The following FNBP1L variants were observed in gnomAD, a reference collection of about 807,000 sequenced individuals.
FNBP1L encodes the protein formin-binding protein 1-like.
In FNBP1L, 36 loss-of-function variants were observed where a neutral mutation model predicts 91.2. The ratio of observed to expected loss-of-function variants is 0.39; its 90% CI spans 0.30 to 0.52. FNBP1L has a LOEUF of 0.52. Among genes scored for constraint, FNBP1L ranks in the 20% least tolerant of loss-of-function variants. FNBP1L has a pLI of 0.66. For missense variants in FNBP1L, 571 were observed against 732.1 expected, an observed-to-expected ratio of 0.78 and a Z score of 2.54; for synonymous variants, 242 against 237.0, an observed-to-expected ratio of 1.02 and a Z score of -0.19.
At chr1:93,552,346 C>G in intron 16 of FNBP1L, 63 bp from the exon 17 acceptor site, 12 of 1,585,036 alleles carry the variant, frequency 7.6e-6, no homozygotes, top group Non-Finnish European at 1.0e-5. Context: ...AAACTGAACA[C>G]CCCTTTTGGT....
At chr1:93,456,039 A>G (rs1668647136) in intron 1 of FNBP1L, among the ~76,000 whole-genome samples, 1 of 152,250 alleles carries the variant, frequency 6.6e-6, no homozygotes, top group Admixed American at 6.5e-5. Flanking sequence ...AGGTTGAGGC[A>G]GGAAGATCGC....
intron 1 of FNBP1L, among the ~76,000 whole-genome samples, chr1:93,482,171 T>A (rs1669729927): frequency 6.6e-6 from 1 of 151,866 alleles, no homozygotes; most frequent in South Asian, 2.1e-4. Context: ...CAAAAATAAA[T>A]AAATAAGTAA....
chr1:93,473,598 A>T (rs1177432758), intron 1 of FNBP1L, among the ~76,000 whole-genome samples: 9 of 152,218 alleles, frequency 5.9e-5, no homozygotes, highest in African/African-American at 1.9e-4. Flanking sequence ...TTCTGGGTAT[A>T]CATCCCCAAC....
intron 2 of FNBP1L, among the ~76,000 whole-genome samples, chr1:93,515,228 C>G (rs1475465223): frequency 3.3e-5 from 5 of 152,214 alleles, no homozygotes; most frequent in South Asian, 2.1e-4. Context: ...CCATCTCACA[C>G]CAGTTAGAAT....
At chr1:93,495,787 A>G (rs771762026) in intron 1 of FNBP1L, among the ~76,000 whole-genome samples, 16 of 152,212 alleles carry the variant, frequency 1.1e-4, no homozygotes, top group Non-Finnish European at 1.5e-4. Flanking sequence ...CTATATAGAA[A>G]GCATTTTGAT....
intron 1 of FNBP1L, among the ~76,000 whole-genome samples, chr1:93,469,447 A>G (rs1669207406): frequency 6.6e-6 from 1 of 152,104 alleles, no homozygotes; most frequent in Non-Finnish European, 1.5e-5. Context: ...AGTATATTCC[A>G]TGGTGTATAT....
intron 2 of FNBP1L, among the ~76,000 whole-genome samples, chr1:93,516,259 G>A (rs1671107356): frequency 6.6e-6 from 1 of 152,128 alleles, no homozygotes; most frequent in Admixed American, 6.5e-5. Flanking sequence ...TAAAATGGAA[G>A]TGAGAAAACA....
At chr1:93,539,449 T>TA (rs1671952953) in intron 10 of FNBP1L, among the ~76,000 whole-genome samples, 1 of 151,958 alleles carries the variant, frequency 6.6e-6, no homozygotes, top group Non-Finnish European at 1.5e-5. Flanking sequence ...TTGAGCTTTG[T>TA]ATATCCCCAA....
At chr1:93,520,026 C>G (rs1452176356) in intron 2 of FNBP1L, among the ~76,000 whole-genome samples, 1 of 152,174 alleles carries the variant, frequency 6.6e-6, no homozygotes, top group Non-Finnish European at 1.5e-5. Flanking sequence ...ACTCTTTTCT[C>G]AGTGTCTTGC....
intron 10 of FNBP1L, among the ~76,000 whole-genome samples, chr1:93,539,037 C>A (rs145708510): frequency 6.6e-6 from 1 of 151,924 alleles, no homozygotes; most frequent in East Asian, 1.9e-4. Context: ...AGGATATACT[C>A]GAACTTAACT....
chr1:93,479,391 G>A (rs917469271), intron 1 of FNBP1L, among the ~76,000 whole-genome samples: 11 of 152,194 alleles, frequency 7.2e-5, no homozygotes, highest in South Asian at 2.1e-4. Flanking sequence ...AGCTGTGCAC[G>A]TATTATCTTG....
chr1:93,476,112 G>T (rs559044160), intron 1 of FNBP1L, among the ~76,000 whole-genome samples: 4 of 152,140 alleles, frequency 2.6e-5, no homozygotes, highest in Non-Finnish European at 5.9e-5. Context: ...TCATTGGTAT[G>T]TTAGTGCATT....
At chr1:93,465,192 T>TTG (rs1214423288) in intron 1 of FNBP1L, among the ~76,000 whole-genome samples, 1 of 18,260 alleles carries the variant, frequency 5.5e-5, no homozygotes, top group Non-Finnish European at 1.9e-4. Context: ...TGTCTCTTTT[T>TTG]TGGGGGGGGG....
intron 1 of FNBP1L, 42 bp downstream of exon 1, chr1:93,448,347 T>G: frequency 2.0e-6 from 3 of 1,475,258 alleles, no homozygotes; most frequent in Non-Finnish European, 2.7e-6. Flanking sequence ...CCCCGGCCCC[T>G]GAGAAGCGCG....
At chr1:93,477,085 C>T (rs1293219528) in intron 1 of FNBP1L, among the ~76,000 whole-genome samples, 1 of 152,142 alleles carries the variant, frequency 6.6e-6, no homozygotes, top group Non-Finnish European at 1.5e-5. Context: ...GCCTGACATG[C>T]TCACTTGCAT....
At chr1:93,481,382 A>G (rs957448535) in intron 1 of FNBP1L, among the ~76,000 whole-genome samples, 1 of 152,232 alleles carries the variant, frequency 6.6e-6, no homozygotes, top group Admixed American at 6.5e-5. Context: ...TAGCTACTAA[A>G]TGAAGAGTTG....
chr1:93,459,058 TG>T (rs1387908450), intron 1 of FNBP1L, among the ~76,000 whole-genome samples: 1 of 152,122 alleles, frequency 6.6e-6, no homozygotes, highest in African/African-American at 2.4e-5. Flanking sequence ...GTGGATCCCT[TG>T]AGGCCAGAGA....
intron 11 of FNBP1L, among the ~76,000 whole-genome samples, chr1:93,541,723 C>CT (rs1011806071): frequency 2.6e-5 from 4 of 152,060 alleles, no homozygotes; most frequent in Non-Finnish European, 1.5e-5. Context: ...ATAGACCACT[C>CT]TTTTTTACAT....
chr1:93,479,017 T>A (rs753845454), intron 1 of FNBP1L, among the ~76,000 whole-genome samples: 2 of 152,238 alleles, frequency 1.3e-5, no homozygotes, highest in Non-Finnish European at 2.9e-5. Flanking sequence ...CTCTTCTAAA[T>A]CTTATCCCTT....
Sources: gnomAD v4.1 joint callset for allele counts (sites outside exome capture counted in the v4.1 genomes callset) on GRCh38, gnomAD v4.1.1 for gene constraint, MANE v1.5 for transcripts, NCBI Gene and HGNC (gene_info 2026-07-23, HGNC 2026-07-21) for gene names.